AK9: variants seen among roughly 807,000 people sequenced by gnomAD.
The protein encoded by AK9 is adenylate kinase domain containing 1.
In AK9, 191 loss-of-function variants were observed where a neutral mutation model predicts 239.6. That is an observed-to-expected ratio of 0.80 (90% CI 0.71 to 0.90). The LOEUF is 0.90. AK9 is among the 40% of genes least tolerant of loss of function. The pLI is 0.00. For synonymous variants in AK9, 689 were observed against 721.0 expected, an observed-to-expected ratio of 0.96 and a Z score of 0.71; for missense variants, 1,995 against 2,214.7, an observed-to-expected ratio of 0.90 and a Z score of 1.99.
chr6:109,550,962 C>G (rs1047273309), intron 24 of AK9, among the ~76,000 whole-genome samples: 1 of 151,698 alleles, frequency 6.6e-6, no homozygotes, highest in Admixed American at 6.6e-5. Flanking sequence ...CTCTTTTCAC[C>G]GTTTTTCTTC....
At chr6:109,597,233 A>G (rs1791159694) in intron 17 of AK9, among the ~76,000 whole-genome samples, 1 of 152,136 alleles carries the variant, frequency 6.6e-6, no homozygotes, top group South Asian at 2.1e-4. Flanking sequence ...ATCTGTATCA[A>G]TTTTCATACT....
intron 21 of AK9, among the ~76,000 whole-genome samples, chr6:109,567,481 G>A (rs556272568): frequency 4.6e-4 from 70 of 152,070 alleles, no homozygotes; most frequent in African/African-American, 1.7e-3. Flanking sequence ...ACAGATTCAC[G>A]GCTGAATTCT....
intron 20 of AK9, among the ~76,000 whole-genome samples, chr6:109,574,291 T>G (rs1327723240): frequency 2.0e-5 from 3 of 152,130 alleles, no homozygotes; most frequent in Non-Finnish European, 2.9e-5. Flanking sequence ...GGAGAATCGC[T>G]TGAACCCAGG....
chr6:109,593,714 A>G (rs1188106056), intron 17 of AK9, among the ~76,000 whole-genome samples: 2 of 152,202 alleles, frequency 1.3e-5, no homozygotes, highest in African/African-American at 4.8e-5. Context: ...TTCAACAAAC[A>G]CAAATCAATA....
At chr6:109,621,953 C>CA (rs376483185) in intron 12 of AK9, among the ~76,000 whole-genome samples, 1,287 of 79,376 alleles carry the variant, frequency 0.016, 12 homozygotes, top group Non-Finnish European at 0.023. Context: ...GCAAAAAAAA[C>CA]AAAAAAAAAA....
intron 8 of AK9, among the ~76,000 whole-genome samples, chr6:109,648,490 G>T (rs1054449412): frequency 1.3e-5 from 2 of 152,122 alleles, no homozygotes; most frequent in Admixed American, 1.3e-4. Context: ...AGAAAATCTA[G>T]AAGAAATAGA....
intron 10 of AK9, among the ~76,000 whole-genome samples, chr6:109,636,426 T>G (rs1351161613): frequency 6.6e-6 from 1 of 152,048 alleles, no homozygotes; most frequent in African/African-American, 2.4e-5. Context: ...AAAATTTGTT[T>G]TTGTAACCAC....
intron 31 of AK9, among the ~76,000 whole-genome samples, chr6:109,515,614 G>T (rs1177106442): frequency 6.6e-6 from 1 of 152,110 alleles, no homozygotes; most frequent in Non-Finnish European, 1.5e-5. Context: ...GTAAATGCTA[G>T]AGATAAGGAG....
chr6:109,572,935 G>C (rs1390352230), intron 21 of AK9, among the ~76,000 whole-genome samples: 2 of 152,018 alleles, frequency 1.3e-5, no homozygotes, highest in Non-Finnish European at 2.9e-5. Flanking sequence ...AGACCTCTGA[G>C]GTAGGGCTTA....
intron 24 of AK9, among the ~76,000 whole-genome samples, chr6:109,560,615 A>C (rs1785630828): frequency 6.6e-6 from 1 of 152,044 alleles, no homozygotes; most frequent in South Asian, 2.1e-4. Flanking sequence ...GATAAGCCCC[A>C]CTTGGTCATG....
intron 1 of AK9, among the ~76,000 whole-genome samples, chr6:109,687,185 C>T (rs978992228): frequency 1.3e-5 from 2 of 152,140 alleles, no homozygotes; most frequent in African/African-American, 4.8e-5. Flanking sequence ...AAGCAGTATT[C>T]CTAGGCCCTC....
At chr6:109,614,152 C>T in intron 15 of AK9, 31 bp downstream of exon 15, 1 of 1,501,250 alleles carries the variant, frequency 6.7e-7, no homozygotes, top group Non-Finnish European at 9.1e-7. Context: ...ATGAGATCCA[C>T]AAACGTGGGA....
chr6:109,595,524 T>C (rs540764521), intron 17 of AK9, among the ~76,000 whole-genome samples: 56 of 152,328 alleles, frequency 3.7e-4, no homozygotes, highest in Middle Eastern at 3.4e-3. Flanking sequence ...GGATTATTAA[T>C]CATTTTACTA....
At chr6:109,548,515 G>A (rs920921681) in intron 25 of AK9, among the ~76,000 whole-genome samples, 17 of 152,134 alleles carry the variant, frequency 1.1e-4, no homozygotes, top group Non-Finnish European at 2.4e-4. Flanking sequence ...AAAAGGACAA[G>A]ACAATGTTGA....
At chr6:109,536,643 G>C (rs1465511256) in intron 27 of AK9, among the ~76,000 whole-genome samples, 1 of 152,146 alleles carries the variant, frequency 6.6e-6, no homozygotes, top group Non-Finnish European at 1.5e-5. Context: ...ACACTATGTT[G>C]AATAGGAGTG....
intron 17 of AK9, among the ~76,000 whole-genome samples, chr6:109,607,499 T>C (rs1307296521): frequency 1.3e-5 from 2 of 152,174 alleles, no homozygotes; most frequent in Non-Finnish European, 2.9e-5. Context: ...ATAAGTAATC[T>C]AAAAATGATT....
chr6:109,563,796 T>TTGA (rs2128183437), intron 23 of AK9, 84 bp from the exon 24 acceptor site: 1 of 1,371,172 alleles, frequency 7.3e-7, no homozygotes, highest in South Asian at 1.4e-5. Context: ...GTTGGGAAAA[T>TTGA]TGATTATTAT....
rs1378435541 is a variant in AK9, at chr6:109,495,436, G to T, written c.5320C>A (p.Pro1774Thr). The T allele has an allele frequency of 6.2e-7, 1 of 1,612,218 alleles. No homozygotes were observed. Among genetic ancestry groups the T allele is most frequent in the South Asian group, 1.1e-5 (1 of 90,856 alleles). The change falls in exon 39 of 41, where the codon CCA becomes ACA. Residue 1774 changes from proline (P) to threonine (T), a missense_variant. By Grantham distance (38) the Pro-to-Thr change is conservative. Transcript: ENST00000424296. ...KEKLQKFLRS[P>T]LKYWEQKLPH... ...AGCTTCTGTTCCCAGTATTTCAGTG[G>T]CGACCTAAGAACACAAAGTTCATTA...
Position 109,585,235 on chromosome 6 carries a change from T to A in AK9, c.2002A>T (p.Lys668Ter). The A allele has an allele frequency of 1.2e-6, 1 of 850,954 alleles. No individual in the cohort carries two copies. Among genetic ancestry groups the A allele is most frequent in the South Asian group, 2.8e-5 (1 of 35,464 alleles). The allele number at this position is 850,954 out of a possible 1,614,324, so 52.7% of individuals were successfully genotyped here. ...IYLSDTENNG[K>*]CLFNRIYLQK... The stretch of plus-strand genomic sequence containing the variant: ...AAATATATTCTATTAAATAAACATT[T>A]TCCTGAAATACAGATAAGGAGACTA... The change falls in exon 19 of 41, where the codon AAA (lysine) becomes TAA (stop). Residue 668 changes from lysine to a stop codon, truncating the protein, a stop_gained and splice_region_variant. Coordinates refer to ENST00000424296, the MANE Select transcript of AK9 (RefSeq NM_001145128.3). LOFTEE classifies it high-confidence loss of function.
Sources: allele counts gnomAD v4.1 joint callset (sites outside exome capture counted in the v4.1 genomes callset), GRCh38; gene constraint gnomAD v4.1.1; transcripts MANE v1.5; gene names NCBI Gene and HGNC (gene_info 2026-07-23, HGNC 2026-07-21).